FBXO47: variants seen among roughly 807,000 people sequenced by gnomAD.
FBXO47 encodes F-box protein 47, also known as F-box only protein 47.
In FBXO47, 34 loss-of-function variants were observed where a neutral mutation model predicts 53.9. That is an observed-to-expected ratio of 0.63 (90% CI 0.48 to 0.84). FBXO47 has a LOEUF of 0.84. FBXO47 is among the 40% of genes least tolerant of loss of function. FBXO47 has a pLI of 0.00. For synonymous variants in FBXO47, 165 were observed against 181.6 expected, an observed-to-expected ratio of 0.91 and a Z score of 0.73; for missense variants, 485 against 541.3, an observed-to-expected ratio of 0.90 and a Z score of 1.03.
chr17:38,954,807 T>C (rs1240093621), intron 5 of FBXO47, 49 bp downstream of exon 5: 1 of 1,057,286 alleles, frequency 9.5e-7, no homozygotes, highest in Non-Finnish European at 1.4e-6. Context: ...TTCTATTTGT[T>C]ATCAGTTCCA....
chr17:38,963,112 T>C lies in FBXO47; in HGVS notation c.-26-61A>G, dbSNP rs371394219. The C allele has an allele frequency of 3.4e-3, 1,936 of 574,634 alleles. 8 individuals carry two copies. Among genetic ancestry groups the C allele is most frequent in the Middle Eastern group, 0.018 (56 of 3,070 alleles). The allele number at this position is 574,634 out of a possible 1,614,324, so 35.6% of individuals were successfully genotyped here. On this transcript the variant is annotated intron_variant, in intron 1 of 10. Coordinates refer to ENST00000378079, the MANE Select transcript of FBXO47 (RefSeq NM_001008777.3). ...AAAGGAAATTAAAGCAAGAAAGAGA[T>C]TTTTTTTTTTAAACGAAGAGGTTGA...
At chr17:38,956,412 A>C (rs1905558747) in intron 4 of FBXO47, among the ~76,000 whole-genome samples, 1 of 151,738 alleles carries the variant, frequency 6.6e-6, no homozygotes, top group African/African-American at 2.4e-5. Context: ...ACAGGGCAAA[A>C]CCTCATCTCT....
intron 4 of FBXO47, among the ~76,000 whole-genome samples, chr17:38,955,992 C>T (rs1470802491): frequency 3.5e-5 from 5 of 142,462 alleles, no homozygotes; most frequent in South Asian, 2.2e-4. Context: ...AAAAATTAGC[C>T]GAGTGTGGTG....
intron 1 of FBXO47, among the ~76,000 whole-genome samples, chr17:38,964,569 G>A (rs975425496): frequency 1.3e-5 from 2 of 151,918 alleles, no homozygotes; most frequent in Non-Finnish European, 2.9e-5. Context: ...GCTGAGGCAT[G>A]AGAATCGCTT....
chr17:38,954,338 T>C lies in FBXO47; in HGVS notation c.507+518A>G, dbSNP rs530992599. 5.0e-3 allele frequency among the ~76,000 whole-genome samples: 758 copies of C among 152,006 alleles called. 12 individuals carry two copies. Among genetic ancestry groups the C allele is most frequent in the Middle Eastern group, 0.014 (4 of 294 alleles). On this transcript the variant is annotated intron_variant, in intron 5 of 10. Transcript: ENST00000378079. ...AAATAAATAAATAAAAATAAATTAG[T>C]CAATACATGTAAACTGCTTAGAACA... is the stretch of plus-strand genomic sequence containing the variant.
intron 1 of FBXO47, among the ~76,000 whole-genome samples, chr17:38,964,188 C>T (rs971000505): frequency 1.3e-5 from 2 of 152,072 alleles, no homozygotes; most frequent in Admixed American, 1.3e-4. Context: ...GGCCGAGTGA[C>T]GTGACTCACC....
chr17:38,937,725 TG>T (rs1915615524), intron 10 of FBXO47, among the ~76,000 whole-genome samples: 1 of 151,980 alleles, frequency 6.6e-6, no homozygotes, highest in Non-Finnish European at 1.5e-5. Context: ...TGGAGTGCAG[TG>T]GCACAATCTT....
intron 6 of FBXO47, among the ~76,000 whole-genome samples, chr17:38,950,758 G>T (rs1905234387): frequency 6.6e-6 from 1 of 152,058 alleles, no homozygotes; most frequent in Admixed American, 6.6e-5. Context: ...GTATCTACCA[G>T]CTGGCTTAAG....
intron 9 of FBXO47, 136 bp downstream of exon 9, chr17:38,942,642 G>T (rs1904561418): frequency 3.5e-6 from 2 of 572,114 alleles, no homozygotes; most frequent in East Asian, 3.1e-5. Context: ...TTTTGAAAAA[G>T]AAACATTAAA....
At chr17:38,938,475 TTCCA>T in intron 10 of FBXO47, 94 bp downstream of exon 10, 1 of 839,866 alleles carries the variant, frequency 1.2e-6, no homozygotes, top group Non-Finnish European at 1.7e-6. Flanking sequence ...TTTTTTTTTT[TTCCA>T]TTCTTGGACT....
In FBXO47 at chr17:38,963,804, T is replaced by TG. The variant is rs200680544; in HGVS notation, c.-26-754_-26-753insC. On this transcript the variant is annotated intron_variant, in intron 1 of 10. Transcript: ENST00000378079. ...GTTGTTGTTGTTGTTGTTTTGTTGTTTTTTTTTTTTTTGTCAAGGTCTTGC... is the reference window on the plus strand; with the variant it reads ...GTTGTTGTTGTTGTTGTTTTGTTGTTGTTTTTTTTTTTTGTCAAGGTCTTGC... Among the ~76,000 whole-genome samples, 9 of 135,220 alleles carry TG rather than the reference T, an allele frequency of 6.7e-5. No homozygotes were observed. The South Asian group carries it at 1.7e-3, about 25-fold the overall frequency. The allele number at this position is 135,220 out of a possible 152,430, so 88.7% of individuals were successfully genotyped here. A position where few individuals can be genotyped will look rare whatever the true frequency, so the allele number is the denominator to read the frequency against.
At chr17:38,960,010 T>C (rs1156675440) in intron 3 of FBXO47, among the ~76,000 whole-genome samples, 1 of 151,980 alleles carries the variant, frequency 6.6e-6, no homozygotes, top group Admixed American at 6.6e-5. Flanking sequence ...TCTCCCTATG[T>C]TACCCAGGCT....
intron 3 of FBXO47, among the ~76,000 whole-genome samples, chr17:38,961,056 C>A (rs1052989331): frequency 6.6e-6 from 1 of 152,180 alleles, no homozygotes; most frequent in African/African-American, 2.4e-5. Context: ...ACTTTTCTTT[C>A]ATTTGGTCTT....
At chr17:38,952,246 C>A (rs1905331425) in intron 5 of FBXO47, among the ~76,000 whole-genome samples, 1 of 151,848 alleles carries the variant, frequency 6.6e-6, no homozygotes, top group Non-Finnish European at 1.5e-5. Flanking sequence ...ATCACTTGAT[C>A]CCTGAGTAGA....
At chr17:38,946,351 A>AATATATATAAATATATAG (rs1567716616) in intron 6 of FBXO47, among the ~76,000 whole-genome samples, 1 of 46,268 alleles carries the variant, frequency 2.2e-5, no homozygotes, top group Non-Finnish European at 3.6e-5. Context: ...TAAATATATA[A>AATATATATAAATATATAG]ATATATATAA....
chr17:38,951,585 T>C lies in FBXO47; in HGVS notation c.612A>G (p.Lys204=), dbSNP rs1430649356. Residue 204 remains lysine (K), a synonymous_variant, in exon 6 of 11, where the codon AAA becomes AAG. Coordinates refer to ENST00000378079, the MANE Select transcript of FBXO47 (RefSeq NM_001008777.3). ...ATGCAAATTATAGTTTTTTACCTGG[T>C]TTGCTGCAGACAGCCATTTGTATCT... ...CRKIQMAVCS[K]PGSAQKLELR... The C allele has an allele frequency of 6.2e-7, 1 of 1,608,372 alleles. No homozygotes were observed. The highest frequency in any genetic ancestry group is 2.2e-5 in the East Asian group (1 of 44,840).
At chr17:38,946,825 A>AACATATATAAATATATAAATATATAAAT in intron 6 of FBXO47, among the ~76,000 whole-genome samples, 1 of 78,744 alleles carries the variant, frequency 1.3e-5, no homozygotes, top group Non-Finnish European at 2.2e-5. Context: ...TAAATATATA[A>AACATATATAAATATATAAATATATAAAT]ATATATAAAT....
chr17:38,944,188 A>C lies in FBXO47; in HGVS notation c.794-452T>G, dbSNP rs950552943. Among the ~76,000 whole-genome samples the C allele has an allele frequency of 5.5e-3, 690 of 124,534 alleles. 31 individuals carry two copies. In the East Asian group the frequency reaches 0.12, roughly 21 times the overall value. The allele number at this position is 124,534 out of a possible 152,430, so 81.7% of individuals were successfully genotyped here. On this transcript the variant is annotated intron_variant, in intron 7 of 10. Transcript: ENST00000378079. ...CACAGCGAGACTCTGTCTCAAAAAA[A>C]ACATGTGTGTGTGTGTGTGTGTGTG...
Position 38,951,571 on chromosome 17 carries a change from A to G in FBXO47, c.616+10T>C. 6.4e-7 allele frequency: 1 copy of G among 1,569,586 alleles called. No homozygotes were observed. The highest frequency in any genetic ancestry group is 8.7e-7 in the Non-Finnish European group (1 of 1,144,714). ...TCTCTGTATATTATATGCAAATTAT[A>G]GTTTTTTACCTGGTTTGCTGCAGAC... On this transcript the variant is annotated intron_variant, in intron 6 of 10. Coordinates refer to ENST00000378079, the MANE Select transcript of FBXO47 (RefSeq NM_001008777.3).
Sources: gnomAD v4.1 joint callset for allele counts (sites outside exome capture counted in the v4.1 genomes callset) on GRCh38, gnomAD v4.1.1 for gene constraint, MANE v1.5 for transcripts, NCBI Gene and HGNC (gene_info 2026-07-23, HGNC 2026-07-21) for gene names.